PI4KA: variants seen among roughly 807,000 people sequenced by gnomAD.
PI4KA encodes the protein PI4-kinase alpha.
Under a neutral mutation model 271.4 loss-of-function variants are expected in PI4KA, and 122 were observed. The ratio of observed to expected loss-of-function variants is 0.45; its 90% confidence interval spans 0.39 to 0.52. The LOEUF is 0.52. Ranked by LOEUF, PI4KA falls within the 20% of genes least tolerant of loss-of-function variation. PI4KA has a pLI of 0.00. For missense variants in PI4KA, 1,969 were observed against 2,769.1 expected (o/e 0.71, Z 6.48); for synonymous variants, 1,041 against 1,078.8 (o/e 0.96, Z 0.69).
In PI4KA at chr22:20,739,207, G is replaced by A. The variant is rs533626520; in HGVS notation, c.3741+3021C>T. Among the ~76,000 whole-genome samples the A allele has an allele frequency of 7.3e-5, 11 of 151,156 alleles. No homozygotes were observed. The East Asian group carries it at 1.2e-3, about 16-fold the overall frequency. On this transcript the variant is annotated intron_variant, in intron 32 of 54. Coordinates refer to ENST00000255882, the MANE Select transcript of PI4KA (RefSeq NM_058004.4). The stretch of plus-strand genomic sequence containing the variant: ...AAAAAATACAAAAAATTAGCCGGGC[G>A]TGGTGGCAGGCGCCTGTAGTCTCAG...
intron 30 of PI4KA, chr22:20,743,062 TG>T: frequency 2.4e-6 from 1 of 418,426 alleles, no homozygotes; most frequent in Non-Finnish European, 4.3e-6. Flanking sequence ...GCCCGGGGTC[TG>T]ACCCATGGTG....
intron 1 of PI4KA, among the ~76,000 whole-genome samples, chr22:20,846,124 C>T (rs965090465): frequency 6.6e-6 from 1 of 151,514 alleles, no homozygotes; most frequent in African/African-American, 2.4e-5. Flanking sequence ...ATTAGGCAGG[C>T]TTGGTGGCGG....
At chr22:20,723,546 A>G (rs1176490870) in intron 42 of PI4KA, among the ~76,000 whole-genome samples, 1 of 146,118 alleles carries the variant, frequency 6.8e-6, no homozygotes, top group Non-Finnish European at 1.5e-5. Context: ...AAATACAAAA[A>G]TAGGCTGGGT....
intron 19 of PI4KA, chr22:20,784,167 A>C: frequency 1.2e-6 from 2 of 1,614,210 alleles, no homozygotes; most frequent in Non-Finnish European, 1.7e-6. Context: ...GTCCCACACA[A>C]GATGTCTGGG....
chr22:20,770,971 G>C (rs1932847285), intron 19 of PI4KA, among the ~76,000 whole-genome samples: 1 of 152,002 alleles, frequency 6.6e-6, no homozygotes, highest in African/African-American at 2.4e-5. Flanking sequence ...CTTGAAGCCA[G>C]ACGTTCAAGA....
At chr22:20,773,379 CTG>C (rs2039303203) in intron 19 of PI4KA, among the ~76,000 whole-genome samples, 1 of 152,114 alleles carries the variant, frequency 6.6e-6, no homozygotes, top group Non-Finnish European at 1.5e-5. Context: ...GCGCGAAACT[CTG>C]TCTCAAAACA....
chr22:20,820,535 G>A lies in PI4KA; in HGVS notation c.529+4C>T, dbSNP rs780679783. 1.1e-5 allele frequency: 18 copies of A among 1,589,076 alleles called. No individual in the cohort carries two copies. The highest frequency in any genetic ancestry group is 1.7e-4 in the Middle Eastern group (1 of 6,012). On this transcript the variant is annotated splice_donor_region_variant and intron_variant, in intron 5 of 54. Transcript: ENST00000255882. Reference sequence around the variant, plus strand: ...TTTAAGAAAAACCTTAAGGATACTCGTACCTTTGTCTTGAATCTCCAAGGC... The same window carrying A: ...TTTAAGAAAAACCTTAAGGATACTCATACCTTTGTCTTGAATCTCCAAGGC...
intron 9 of PI4KA, among the ~76,000 whole-genome samples, chr22:20,808,675 G>A (rs1017600825): frequency 1.3e-5 from 2 of 150,638 alleles, no homozygotes; most frequent in Non-Finnish European, 3.0e-5. Flanking sequence ...ATCATAACTC[G>A]TTTTTTTCAT....
intron 43 of PI4KA, among the ~76,000 whole-genome samples, chr22:20,719,631 T>G (rs1926456062): frequency 6.6e-6 from 1 of 151,974 alleles, no homozygotes; most frequent in African/African-American, 2.4e-5. Context: ...TGGCAGATGT[T>G]TTCCTGAAAA....
At chr22:20,719,963 TTGCAGTGAGCCGAGATCG>T (rs1926503571) in intron 43 of PI4KA, among the ~76,000 whole-genome samples, 1 of 146,114 alleles carries the variant, frequency 6.8e-6, no homozygotes, top group South Asian at 2.2e-4. Flanking sequence ...GAGGCGGAGC[TTGCAGTGAGCCGAGATCG>T]TGCCACTGCA....
chr22:20,748,991 T>G (rs1930398720), intron 28 of PI4KA, among the ~76,000 whole-genome samples: 1 of 152,206 alleles, frequency 6.6e-6, no homozygotes, highest in East Asian at 1.9e-4. Flanking sequence ...ATTTCCTTCT[T>G]AGGCCAGACC....
intron 1 of PI4KA, among the ~76,000 whole-genome samples, chr22:20,848,965 AG>A (rs1926621235): frequency 6.6e-6 from 1 of 152,218 alleles, no homozygotes; most frequent in Admixed American, 6.5e-5. Context: ...TCTAAAATAA[AG>A]AACTATTACA....
intron 22 of PI4KA, among the ~76,000 whole-genome samples, chr22:20,762,842 G>A (rs1214562119): frequency 6.6e-6 from 1 of 152,136 alleles, no homozygotes; most frequent in African/African-American, 2.4e-5. Flanking sequence ...TTGTATAAAT[G>A]TTTTGTTTTT....
rs1255942870 is a variant in PI4KA at position 20,755,825 on chromosome 22, AAAAG to A, written c.2792-2649_2792-2646del. On this transcript the variant is annotated intron_variant, in intron 23 of 54. Coordinates refer to ENST00000255882, the MANE Select transcript of PI4KA (RefSeq NM_058004.4). ...ACATAAAAAAAAAAAAAAGAAAAGA[AAAAG>A]AAAAAAAGCAACAGAACACAGTGAT... 8.5e-5 allele frequency among the ~76,000 whole-genome samples: 13 copies of A among 152,180 alleles called. No individual in the cohort carries two copies. The South Asian group carries it at 2.5e-3, about 29-fold the overall frequency.
intron 43 of PI4KA, among the ~76,000 whole-genome samples, chr22:20,720,204 G>A (rs1024464391): frequency 1.3e-5 from 2 of 152,088 alleles, no homozygotes; most frequent in African/African-American, 4.8e-5. Context: ...GTGGGTCCAG[G>A]TGCGACGTAG....
In PI4KA at chr22:20,803,182, T is replaced by TC; in HGVS notation, c.1591+8_1591+9insG. On this transcript the variant is annotated intron_variant, in intron 13 of 54. Transcript: ENST00000255882. ...CTCAGGGCCTGAAGGGCACATAGTC[T>TC]GTTATTACCTGTGTGGTACTGACTG... 6.2e-7 allele frequency: 1 copy of TC among 1,613,826 alleles called. No individual in the cohort carries two copies. Among genetic ancestry groups the TC allele is most frequent in the Non-Finnish European group, 8.5e-7 (1 of 1,179,772 alleles).
intron 7 of PI4KA, among the ~76,000 whole-genome samples, chr22:20,816,181 C>T (rs1921789472): frequency 6.6e-6 from 1 of 152,142 alleles, no homozygotes; most frequent in South Asian, 2.1e-4. Context: ...CTCAAGTGAT[C>T]CACCTGTCCC....
Position 20,719,899 on chromosome 22 carries a change from G to A in PI4KA, c.5117-1077C>T, listed in dbSNP as rs190634998. ...AAAATTAGCAGGCGTGGTGGCAGGC[G>A]CCTGTAGTCCCAGCTACTCGGGAGG... On this transcript the variant is annotated intron_variant, in intron 43 of 54. Transcript: ENST00000255882. Among the ~76,000 whole-genome samples the A allele has an allele frequency of 1.8e-3, 273 of 152,010 alleles. 1 individual carries two copies. The highest frequency in any genetic ancestry group is 5.6e-3 in the African/African-American group (233 of 41,470).
At chr22:20,745,901 C>T (rs891641331) in intron 29 of PI4KA, among the ~76,000 whole-genome samples, 2 of 151,986 alleles carry the variant, frequency 1.3e-5, no homozygotes, top group Non-Finnish European at 2.9e-5. Flanking sequence ...CTGCCCAATG[C>T]GATCTCGGCT....
Sources: allele counts gnomAD v4.1 joint callset (sites outside exome capture counted in the v4.1 genomes callset), GRCh38; gene constraint gnomAD v4.1.1; transcripts MANE v1.5; gene names NCBI Gene and HGNC (gene_info 2026-07-23, HGNC 2026-07-21).